The following SLC44A1 variants were observed in gnomAD, a reference collection of about 807,000 sequenced individuals.
The protein encoded by SLC44A1 is solute carrier family 44 member 1, also known as choline transporter-like protein 1.
A neutral mutation model predicts 79.3 loss-of-function variants in SLC44A1; 26 were observed. That is an observed-to-expected ratio of 0.33 (90% confidence interval 0.24 to 0.46). The LOEUF is 0.46. Among genes scored for constraint, SLC44A1 ranks in the 20% least tolerant of loss-of-function variants. The probability of loss-of-function intolerance (pLI) is 1.00; values close to 1 mark genes in which losing one functional copy is unlikely to be tolerated. For synonymous variants in SLC44A1, 263 were observed against 286.2 expected, an observed-to-expected ratio of 0.92 and a Z score of 0.82; for missense variants, 688 against 798.1, an observed-to-expected ratio of 0.86 and a Z score of 1.66.
At chr9:105,331,699 A>C (rs1044717762) in intron 3 of SLC44A1, among the ~76,000 whole-genome samples, 1 of 152,260 alleles carries the variant, frequency 6.6e-6, no homozygotes, top group Non-Finnish European at 1.5e-5. Context: ...GATGAACTTC[A>C]GAATGCTGGA....
intron 15 of SLC44A1, among the ~76,000 whole-genome samples, chr9:105,409,324 A>T (rs903069304): frequency 2.0e-5 from 3 of 152,232 alleles, no homozygotes; most frequent in African/African-American, 7.2e-5. Flanking sequence ...GTAAGACAAA[A>T]ATTGTTACTA....
At chr9:105,348,582 T>C (rs1588812829) in intron 5 of SLC44A1, 131 bp downstream of exon 5, 3 of 554,132 alleles carry the variant, frequency 5.4e-6, no homozygotes. Context: ...ATTAAAAAAA[T>C]TTTAAAGTAG....
chr9:105,246,373 CTTTT>C lies in SLC44A1; in HGVS notation c.36+1482_36+1485del, dbSNP rs11284181. 2.9e-4 allele frequency among the ~76,000 whole-genome samples: 35 copies of C among 119,064 alleles called. 1 individual carries two copies. Among genetic ancestry groups the C allele is most frequent in the Admixed American group, 2.7e-3 (33 of 12,190 alleles). 78.1% of individuals were successfully genotyped at this position (119,064 alleles called of 152,430 possible). ...CATCCTATCATCCTATTCCTCCAGTCTTTTTTTTTTTTTTTTGAGTGTTTGCTTA... is the reference window on the plus strand; with the variant it reads ...CATCCTATCATCCTATTCCTCCAGTCTTTTTTTTTTTTGAGTGTTTGCTTA... On this transcript the variant is annotated intron_variant, in intron 1 of 15. Transcript: ENST00000374720.
At chr9:105,397,673 G>T (rs1265422654), downstream of SLC44A1, among the ~76,000 whole-genome samples, 2 of 152,110 alleles carry the variant, frequency 1.3e-5, no homozygotes, top group African/African-American at 2.4e-5. Context: ...GGCCGGGCGT[G>T]GTGGCTCACG....
At chr9:105,436,931 C>T (rs541893164) in intron 15 of SLC44A1, among the ~76,000 whole-genome samples, 1 of 152,288 alleles carries the variant, frequency 6.6e-6, no homozygotes, top group South Asian at 2.1e-4. Flanking sequence ...AGATCTTCAC[C>T]TGACTTCATT....
downstream of SLC44A1, among the ~76,000 whole-genome samples, chr9:105,401,240 A>T (rs1828953993): frequency 6.6e-6 from 1 of 152,218 alleles, no homozygotes; most frequent in Non-Finnish European, 1.5e-5. Flanking sequence ...TCCTTTGCTT[A>T]TTTGTATATT....
At chr9:105,323,727 G>A (rs765559339) in intron 3 of SLC44A1, among the ~76,000 whole-genome samples, 34 of 152,104 alleles carry the variant, frequency 2.2e-4, no homozygotes, top group Non-Finnish European at 4.4e-4. Context: ...CACATATTCT[G>A]TCTCATTGAT....
intron 13 of SLC44A1, among the ~76,000 whole-genome samples, chr9:105,380,460 G>A (rs1284844205): frequency 1.3e-5 from 2 of 152,102 alleles, no homozygotes; most frequent in Non-Finnish European, 2.9e-5. Flanking sequence ...GGGACTGTAG[G>A]TGTGAGCTGC....
chr9:105,394,919 T>C lies in SLC44A1; in HGVS notation c.*5863T>C, dbSNP rs1828845067. 1.0e-6 allele frequency: 1 copy of C among 985,346 alleles called. No homozygotes were observed. The allele number at this position is 985,346 out of a possible 1,614,324, so 61.0% of individuals were successfully genotyped here. On this transcript the variant is annotated 3_prime_UTR_variant, in exon 16 of 16. Coordinates refer to ENST00000374720, the MANE Select transcript of SLC44A1 (RefSeq NM_080546.5). ...TCCACCCCCAGTCCCTTACCTACTC[T>C]ATCTTCTTTAGGGAAGCATGTGGAT...
At chr9:105,376,165 T>C (rs1828275903) in intron 13 of SLC44A1, among the ~76,000 whole-genome samples, 1 of 152,158 alleles carries the variant, frequency 6.6e-6, no homozygotes. Flanking sequence ...GAGAAGTATA[T>C]ATAGCATTGT....
rs1828768170 is a variant in SLC44A1 at position 105,391,817 on chromosome 9, A to G, written c.*2761A>G. ...GGATACCCGAATAATTTCATAAATC[A>G]TTGATTCTATGTGGTGGTTTTTGTC... On this transcript the variant is annotated 3_prime_UTR_variant, in exon 16 of 16. Coordinates refer to ENST00000374720, the MANE Select transcript of SLC44A1 (RefSeq NM_080546.5). 1.0e-6 allele frequency: 1 copy of G among 985,248 alleles called. No homozygotes were observed. Among genetic ancestry groups the G allele is most frequent in the Non-Finnish European group, 1.2e-6 (1 of 829,786 alleles). The allele number at this position is 985,248 out of a possible 1,614,324, so 61.0% of individuals were successfully genotyped here.
chr9:105,364,207 G>A (rs938611824), intron 9 of SLC44A1, among the ~76,000 whole-genome samples: 8 of 151,988 alleles, frequency 5.3e-5, no homozygotes, highest in Non-Finnish European at 2.9e-5. Flanking sequence ...AATAATTTCT[G>A]TACTTTGCTA....
intron 2 of SLC44A1, among the ~76,000 whole-genome samples, chr9:105,302,571 C>G (rs749126151): frequency 2.0e-5 from 3 of 151,412 alleles, no homozygotes; most frequent in Admixed American, 6.6e-5. Context: ...CAGGTGGTCT[C>G]GAACTCCTGA....
At chr9:105,337,276 C>T (rs1826953034) in intron 4 of SLC44A1, among the ~76,000 whole-genome samples, 1 of 152,158 alleles carries the variant, frequency 6.6e-6, no homozygotes, top group Admixed American at 6.5e-5. Context: ...CTACCACTTA[C>T]TGGCTGTGAG....
chr9:105,279,229 T>C (rs1159923419), intron 1 of SLC44A1, among the ~76,000 whole-genome samples: 2 of 151,532 alleles, frequency 1.3e-5, no homozygotes, highest in East Asian at 1.9e-4. Context: ...AGAACAACTT[T>C]AAGTTATTTT....
At chr9:105,268,790 A>G (rs1450410413) in intron 1 of SLC44A1, among the ~76,000 whole-genome samples, 1 of 152,128 alleles carries the variant, frequency 6.6e-6, no homozygotes, top group Non-Finnish European at 1.5e-5. Context: ...GTGCCACCGT[A>G]CCTGGCCAAC....
intron 13 of SLC44A1, among the ~76,000 whole-genome samples, chr9:105,378,503 A>G (rs1003820704): frequency 1.5e-4 from 23 of 152,196 alleles, no homozygotes; most frequent in African/African-American, 5.5e-4. Context: ...TGAGACCAGA[A>G]TCCTAGAATT....
At chr9:105,365,006 G>A (rs1020569588) in intron 10 of SLC44A1, among the ~76,000 whole-genome samples, 2 of 152,160 alleles carry the variant, frequency 1.3e-5, no homozygotes, top group African/African-American at 2.4e-5. Context: ...GGTGCCATAT[G>A]TACTTTTGCT....
In SLC44A1 at chr9:105,395,255, T is replaced by A; in HGVS notation, c.*6199T>A. The A allele has an allele frequency of 1.1e-6, 1 of 903,282 alleles. No individual in the cohort carries two copies. The highest frequency in any genetic ancestry group is 1.8e-5 in the African/African-American group (1 of 55,554). 56.0% of individuals were successfully genotyped at this position (903,282 alleles called of 1,614,324 possible). On this transcript the variant is annotated 3_prime_UTR_variant, in exon 16 of 16. Transcript: ENST00000374720. ...GTTTTTTTGAGACGGAGTCTCGCTC[T>A]ATCGCCAGCTTAGAGTGCAGTGGCT...
Sources: gnomAD v4.1 joint callset for allele counts (sites outside exome capture counted in the v4.1 genomes callset) on GRCh38, gnomAD v4.1.1 for gene constraint, MANE v1.5 for transcripts, NCBI Gene and HGNC (gene_info 2026-07-23, HGNC 2026-07-21) for gene names.